Variants in CRYGS observed in about 807,000 individuals in gnomAD.
The protein encoded by CRYGS is gamma-crystallin S.
Under a neutral mutation model 21.3 loss-of-function variants are expected in CRYGS, and 13 were observed. The observed-to-expected ratio is 0.61, with a 90% CI of 0.40 to 0.97. CRYGS has a LOEUF of 0.97. Ranked by LOEUF, CRYGS falls within the 50% of genes least tolerant of loss-of-function variation. The probability of loss-of-function intolerance (pLI) is 0.00; values close to 1 mark genes in which losing one functional copy is unlikely to be tolerated. For synonymous variants in CRYGS, 67 were observed against 75.0 expected, an observed-to-expected ratio of 0.89 and a Z score of 0.55; for missense variants, 205 against 229.7, an observed-to-expected ratio of 0.89 and a Z score of 0.69.
chr3:186,539,218 G>C (rs766300240), intron 2 of CRYGS, 137 bp downstream of exon 2: 15 of 1,234,976 alleles, frequency 1.2e-5, no homozygotes, highest in Middle Eastern at 2.7e-4. Flanking sequence ...GCTCTAAGAT[G>C]TTACTCAAGC....
Position 186,538,833 on chromosome 3 carries a change from C to A in CRYGS, c.400G>T (p.Glu134Ter), listed in dbSNP as rs1483130765. Reference protein sequence around the residue: ...MREIHSCKVLEGVWIFYELPN... With the variant: ...MREIHSCKVL ...AGCTCATAGAAAATCCAGACACCCT[C>A]CAGCACCTTACAGGAGTGGATCTCT... The change falls in exon 3 of 3, where the codon GAG becomes TAG. Residue 134 changes from glutamate to a stop codon, truncating the protein, a stop_gained. Coordinates refer to ENST00000307944, the MANE Select transcript of CRYGS (RefSeq NM_017541.4). LOFTEE classifies it high-confidence loss of function. 1 of 1,614,014 alleles carries A rather than the reference C, an allele frequency of 6.2e-7. No individual in the cohort carries two copies. Among genetic ancestry groups the A allele is most frequent in the African/African-American group, 1.3e-5 (1 of 74,898 alleles).
chr3:186,539,080 T>C, intron 2 of CRYGS, 112 bp from the exon 3 acceptor site: 1 of 1,287,654 alleles, frequency 7.8e-7, no homozygotes, highest in East Asian at 2.4e-5. Context: ...CTAGATGATC[T>C]GAACTCCCAT....
intron 1 of CRYGS, among the ~76,000 whole-genome samples, chr3:186,543,243 G>C (rs534669793): frequency 7.0e-4 from 107 of 152,232 alleles, no homozygotes; most frequent in Non-Finnish European, 1.3e-3. Flanking sequence ...AGAGAATAAA[G>C]AGACATGACA....
rs950536430 is a variant in CRYGS, at chr3:186,538,443, T to C, written c.*253A>G. The C allele has an allele frequency of 3.6e-5, 20 of 561,338 alleles. No homozygotes were observed. The highest frequency in any genetic ancestry group is 4.8e-4 in the Middle Eastern group (1 of 2,096). The allele number at this position is 561,338 out of a possible 1,614,324, so 34.8% of individuals were successfully genotyped here. ...CTAAAGGAACCACCACATGTCAGTATGACTTTCTAACCTTTTAATGAGATC... is the reference window on the plus strand; with the variant it reads ...CTAAAGGAACCACCACATGTCAGTACGACTTTCTAACCTTTTAATGAGATC... On this transcript the variant is annotated 3_prime_UTR_variant, in exon 3 of 3. Transcript: ENST00000307944.
rs553732903 is a variant in CRYGS at position 186,542,988 on chromosome 3, C to T, written c.21+1318G>A. Among the ~76,000 whole-genome samples, 15 of 152,178 alleles carry T rather than the reference C, an allele frequency of 9.9e-5. No individual in the cohort carries two copies. In the South Asian group the frequency reaches 3.1e-3, roughly 32 times the overall value. On this transcript the variant is annotated intron_variant, in intron 1 of 2. Transcript: ENST00000307944. ...ATTTTCCAATGAAAAAAAAATCAAG[C>T]ACTAATAAATTACAGAACAAGTTAA... is the stretch of plus-strand genomic sequence containing the variant.
chr3:186,539,626 C>G lies in CRYGS; in HGVS notation c.22-29G>C, dbSNP rs1714012781. 5 of 1,613,676 alleles carry G rather than the reference C, an allele frequency of 3.1e-6. No individual in the cohort carries two copies. The South Asian group carries it at 3.3e-5, about 11-fold the overall frequency. ...AAGTAGAGGGCCAACAGAGAAAGAG[C>G]TGAGGAGCTGGGTGGCTTAATTCAC... On this transcript the variant is annotated intron_variant, in intron 1 of 2. Transcript: ENST00000307944.
chr3:186,543,882 T>C (rs1714124686), intron 1 of CRYGS, among the ~76,000 whole-genome samples: 2 of 152,208 alleles, frequency 1.3e-5, no homozygotes, highest in Non-Finnish European at 2.9e-5. Flanking sequence ...TTCACCTGAT[T>C]GGCCCATCCA....
At position 186,539,568 on chromosome 3, in the gene CRYGS, T is replaced by C. The variant is rs747349708; in HGVS notation, c.51A>G (p.Gln17=). ...CGCAATCACAGTCATAGCGACGGCC[T>C]TGAAAATTTTTGTCTTCATAGAAAG... is the stretch of plus-strand genomic sequence containing the variant. ...KITFYEDKNF[Q]GRRYDCDCDC... The change falls in exon 2 of 3, where the codon CAA becomes CAG. Residue 17 remains glutamine, a synonymous_variant. Coordinates refer to ENST00000307944, the MANE Select transcript of CRYGS (RefSeq NM_017541.4). 1 of 1,614,156 alleles carries C rather than the reference T, an allele frequency of 6.2e-7. No homozygotes were observed. The highest frequency in any genetic ancestry group is 8.5e-7 in the Non-Finnish European group (1 of 1,180,006).
chr3:186,543,580 A>G (rs1714117535), intron 1 of CRYGS, among the ~76,000 whole-genome samples: 1 of 152,228 alleles, frequency 6.6e-6, no homozygotes, highest in East Asian at 1.9e-4. Flanking sequence ...TGAAAGATAT[A>G]CAAATATTCA....
chr3:186,540,072 T>C (rs576606282), intron 1 of CRYGS: 17 of 168,112 alleles, frequency 1.0e-4, no homozygotes, highest in Non-Finnish European at 1.7e-4. Flanking sequence ...GGAGGATACA[T>C]AGAGAAAAAT....
At chr3:186,541,804 C>T (rs372440406) in intron 1 of CRYGS, among the ~76,000 whole-genome samples, 1 of 152,204 alleles carries the variant, frequency 6.6e-6, no homozygotes, top group South Asian at 2.1e-4. Context: ...TTTTCCTTTG[C>T]TGTCTTTCTG....
chr3:186,541,413 C>A (rs894147175), intron 1 of CRYGS, among the ~76,000 whole-genome samples: 2 of 152,180 alleles, frequency 1.3e-5, no homozygotes, highest in African/African-American at 4.8e-5. Context: ...TTTCAGTTCC[C>A]TTCCCATCTT....
chr3:186,539,319 T>C (rs746873054), intron 2 of CRYGS, 36 bp downstream of exon 2: 1 of 1,611,728 alleles, frequency 6.2e-7, no homozygotes, highest in South Asian at 1.1e-5. Context: ...ACAGAGGGCG[T>C]GGGAAACAGA....
rs572718590 is a variant in CRYGS, at chr3:186,539,565, G to T, written c.54C>A (p.Gly18=). ...ITFYEDKNFQ[G]RRYDCDCDCA... ...AGTCGCAATCACAGTCATAGCGACG[G>T]CCTTGAAAATTTTTGTCTTCATAGA... The change falls in exon 2 of 3, where the codon GGC becomes GGA. Residue 18 remains glycine, a synonymous_variant. Coordinates refer to ENST00000307944, the MANE Select transcript of CRYGS (RefSeq NM_017541.4). The T allele has an allele frequency of 1.7e-5, 28 of 1,614,112 alleles. No individual in the cohort carries two copies. The highest frequency in any genetic ancestry group is 1.6e-4 in the South Asian group (15 of 91,078).
At position 186,539,561 on chromosome 3, in the gene CRYGS, G is replaced by A. The variant is rs370574388; in HGVS notation, c.58C>T (p.Arg20Cys). Reference sequence around the variant, plus strand: ...GCACAGTCGCAATCACAGTCATAGCGACGGCCTTGAAAATTTTTGTCTTCA... The same window carrying A: ...GCACAGTCGCAATCACAGTCATAGCAACGGCCTTGAAAATTTTTGTCTTCA... ...FYEDKNFQGRRYDCDCDCADF... is the reference protein window; with the variant it reads ...FYEDKNFQGRCYDCDCDCADF... Residue 20 changes from arginine (R) to cysteine (C), a missense_variant, in exon 2 of 3, where the codon CGC (arginine) becomes TGC (cysteine). Coordinates refer to ENST00000307944, the MANE Select transcript of CRYGS (RefSeq NM_017541.4). The A allele has an allele frequency of 8.1e-6, 13 of 1,614,008 alleles. No homozygotes were observed. The highest frequency in any genetic ancestry group is 1.1e-5 in the South Asian group (1 of 91,074).
At chr3:186,542,627 A>C (rs1173992462) in intron 1 of CRYGS, among the ~76,000 whole-genome samples, 1 of 152,210 alleles carries the variant, frequency 6.6e-6, no homozygotes, top group African/African-American at 2.4e-5. Flanking sequence ...ACTGCTATCA[A>C]GATAGTGGGA....
intron 1 of CRYGS, among the ~76,000 whole-genome samples, chr3:186,542,834 C>T (rs58774854): frequency 0.025 from 3,811 of 152,176 alleles, 153 homozygotes; most frequent in African/African-American, 0.086. Context: ...ACATGGATAT[C>T]CCTCCTCTAA....
intron 1 of CRYGS, chr3:186,540,146 A>G (rs1714024112): frequency 6.4e-6 from 1 of 155,676 alleles, no homozygotes; most frequent in South Asian, 1.9e-4. Context: ...ATACATGAAA[A>G]TGTATCATAT....
In CRYGS at chr3:186,539,091, C is replaced by T. The variant is rs73887943; in HGVS notation, c.265-123G>A. On this transcript the variant is annotated intron_variant, in intron 2 of 2. Transcript: ENST00000307944. ...AAAGCTAGATGATCTGAACTCCCAT[C>T]TCACCATGTACTGACTAAAACAGCT... 5,448 of 1,234,522 alleles carry T rather than the reference C, an allele frequency of 4.4e-3. 158 individuals carry two copies. The African/African-American group carries it at 0.068, about 16-fold the overall frequency. 76.5% of individuals were successfully genotyped at this position (1,234,522 alleles called of 1,614,324 possible).
Sources: gnomAD v4.1 joint callset for allele counts (sites outside exome capture counted in the v4.1 genomes callset) on GRCh38, gnomAD v4.1.1 for gene constraint, MANE v1.5 for transcripts, NCBI Gene and HGNC (gene_info 2026-07-23, HGNC 2026-07-21) for gene names.